The following INPP5B variants were observed in gnomAD, a reference collection of about 807,000 sequenced individuals.
INPP5B encodes the protein type II inositol 1,4,5-trisphosphate 5-phosphatase.
A neutral mutation model predicts 118.5 loss-of-function variants in INPP5B; 90 were observed. The ratio of observed to expected loss-of-function variants is 0.76; its 90% CI spans 0.64 to 0.90. The LOEUF is 0.90. Ranked by LOEUF, INPP5B falls within the 40% of genes least tolerant of loss-of-function variation. INPP5B has a pLI of 0.00. For synonymous variants in INPP5B, 385 were observed against 418.9 expected, an observed-to-expected ratio of 0.92 and a Z score of 0.99; for missense variants, 984 against 1,125.6, an observed-to-expected ratio of 0.87 and a Z score of 1.80.
intron 7 of INPP5B, among the ~76,000 whole-genome samples, chr1:37,916,432 T>C (rs1489165185): frequency 6.6e-6 from 1 of 151,626 alleles, no homozygotes; most frequent in Non-Finnish European, 1.5e-5. Context: ...TTTCTTTTTT[T>C]TGAGGCAGAG....
At chr1:37,901,320 C>T (rs1644324807) in intron 7 of INPP5B, among the ~76,000 whole-genome samples, 1 of 152,164 alleles carries the variant, frequency 6.6e-6, no homozygotes, top group South Asian at 2.1e-4. Context: ...GAAGTCACTT[C>T]TGCTCTTTGG....
intron 6 of INPP5B, among the ~76,000 whole-genome samples, chr1:37,935,433 C>A (rs1241280673): frequency 1.3e-5 from 2 of 151,210 alleles, no homozygotes; most frequent in Non-Finnish European, 2.9e-5. Flanking sequence ...ACCTCGTGAT[C>A]CGCCCCGCCT....
intron 7 of INPP5B, among the ~76,000 whole-genome samples, chr1:37,928,346 GT>G (rs1042355767): frequency 6.6e-6 from 1 of 151,434 alleles, no homozygotes; most frequent in East Asian, 1.9e-4. Flanking sequence ...GCTAAGTTCT[GT>G]TTTTTTGGGG....
chr1:37,937,969 T>A, intron 6 of INPP5B, among the ~76,000 whole-genome samples: 1 of 120,768 alleles, frequency 8.3e-6, no homozygotes, highest in East Asian at 2.3e-4. Context: ...TGAAAGTTGG[T>A]CTCAAAAAAA....
In INPP5B at chr1:37,864,382, G is replaced by C. The variant is rs148529004; in HGVS notation, c.2556C>G (p.His852Gln). 2 of 1,613,180 alleles carry C rather than the reference G, an allele frequency of 1.2e-6. No homozygotes were observed. Among genetic ancestry groups the C allele is most frequent in the East Asian group, 2.2e-5 (1 of 44,876 alleles). ...GTTCTCGCAAAAACGCCATCAAGTA[G>C]TGGAAGACATTTTTGTGGAATATGG... ...TLPIFHKNVF[H>Q]YLMAFLRELL... The change falls in exon 23 of 24, where the codon CAC becomes CAG. Residue 852 changes from histidine (H) to glutamine (Q), a missense_variant. Physicochemically the swap from His to Gln is conservative, Grantham distance 24. This residue lies in a region of INPP5B where 634 missense variants were observed against 791.0 expected (regional missense o/e 0.80). Coordinates refer to ENST00000373024, the MANE Select transcript of INPP5B (RefSeq NM_005540.3).
At position 37,861,222 on chromosome 1, in the gene INPP5B, G is replaced by C. The variant is rs1641676863; in HGVS notation, c.*1093C>G. ...TTATCTGGGCAGGAACGGGGGTCGA[G>C]TTTGCATATGCATATACACATCCTC... On this transcript the variant is annotated 3_prime_UTR_variant, in exon 24 of 24. Coordinates refer to ENST00000373024, the MANE Select transcript of INPP5B (RefSeq NM_005540.3). 1 of 152,180 alleles carries C rather than the reference G, an allele frequency of 6.6e-6. No homozygotes were observed. Among genetic ancestry groups the C allele is most frequent in the Admixed American group, 6.5e-5 (1 of 15,278 alleles). The allele number at this position is 152,180 out of a possible 1,614,324, so 9.4% of individuals were successfully genotyped here. A position where few individuals can be genotyped will look rare whatever the true frequency, so the allele number is the denominator to read the frequency against.
rs1643745652 is a variant in INPP5B at position 37,889,925 on chromosome 1, G to A, written c.630-201C>T. ...TATTTTGTTGATTGTATAATATGTT[G>A]GTCTGGAGATTTTCCTAATAATAGA... On this transcript the variant is annotated intron_variant, in intron 8 of 23. Coordinates refer to ENST00000373024, the MANE Select transcript of INPP5B (RefSeq NM_005540.3). Among the ~76,000 whole-genome samples the A allele has an allele frequency of 1.3e-5, 2 of 152,000 alleles. 1 individual carries two copies. Among genetic ancestry groups the A allele is most frequent in the South Asian group, 4.1e-4 (2 of 4,822 alleles).
chr1:37,920,634 C>T (rs1287701229), intron 7 of INPP5B, among the ~76,000 whole-genome samples: 1 of 151,172 alleles, frequency 6.6e-6, no homozygotes, highest in African/African-American at 2.4e-5. Flanking sequence ...CACTGCACTC[C>T]AGCCTGGGCG....
intron 7 of INPP5B, among the ~76,000 whole-genome samples, chr1:37,898,469 G>A (rs1192780164): frequency 6.6e-6 from 1 of 152,196 alleles, no homozygotes; most frequent in Non-Finnish European, 1.5e-5. Flanking sequence ...GCCGAGGCGG[G>A]TGGATCACGA....
intron 7 of INPP5B, among the ~76,000 whole-genome samples, chr1:37,896,983 G>A (rs1486918617): frequency 3.5e-5 from 4 of 114,862 alleles, no homozygotes; most frequent in Non-Finnish European, 4.1e-5. Context: ...GAGGGAGGTG[G>A]GGGGGTCAGC....
chr1:37,882,167 A>G (rs539089897), intron 14 of INPP5B, among the ~76,000 whole-genome samples: 1 of 152,324 alleles, frequency 6.6e-6, no homozygotes, highest in African/African-American at 2.4e-5. Context: ...AAGGGAGGAT[A>G]TAGAACAACA....
intron 15 of INPP5B, 125 bp from the exon 16 acceptor site, chr1:37,878,448 G>A: frequency 2.0e-6 from 3 of 1,475,372 alleles, no homozygotes; most frequent in Admixed American, 2.2e-5. Flanking sequence ...TAAGTCATCT[G>A]AGGCAGCAAG....
At chr1:37,944,124 T>G (rs576919604) in intron 3 of INPP5B, among the ~76,000 whole-genome samples, 1 of 152,320 alleles carries the variant, frequency 6.6e-6, no homozygotes, top group Admixed American at 6.5e-5. Context: ...AGCCCCTGAT[T>G]GTTAGTAAAA....
intron 7 of INPP5B, chr1:37,931,318 C>G (rs1645448736): frequency 1.2e-6 from 1 of 826,142 alleles, no homozygotes; most frequent in Admixed American, 3.3e-5. Flanking sequence ...ACCCGCCCCA[C>G]GCGACAAACT....
rs765998666 is a variant in INPP5B, at chr1:37,931,558, T to C, written c.532+355A>G. ...AGCCTCCAGAGGGCCACCAGGACTT[T>C]GGTCTTCGCCCCGAGCGTCCACTGG... On this transcript the variant is annotated intron_variant, in intron 7 of 23. Coordinates refer to ENST00000373024, the MANE Select transcript of INPP5B (RefSeq NM_005540.3). The C allele has an allele frequency of 1.7e-4, 255 of 1,537,502 alleles. 1 individual carries two copies. Among genetic ancestry groups the C allele is most frequent in the Non-Finnish European group, 2.1e-4 (242 of 1,146,066 alleles).
Position 37,942,911 on chromosome 1 carries a change from AAGAG to A in INPP5B, c.280+725_280+728del, listed in dbSNP as rs376627170. ...GTGACAGAGTGAGATTCTGTCAAGAAAGAGAGAGAGAGAGAGAGAGGAAGGGAGG... is the reference window on the plus strand; with the variant it reads ...GTGACAGAGTGAGATTCTGTCAAGAAAGAGAGAGAGAGAGAGGAAGGGAGG... On this transcript the variant is annotated intron_variant, in intron 5 of 23. Coordinates refer to ENST00000373024, the MANE Select transcript of INPP5B (RefSeq NM_005540.3). Among the ~76,000 whole-genome samples the A allele has an allele frequency of 4.8e-3, 701 of 147,070 alleles. 4 individuals carry two copies. The highest frequency in any genetic ancestry group is 0.016 in the African/African-American group (648 of 40,178).
intron 7 of INPP5B, among the ~76,000 whole-genome samples, chr1:37,910,609 C>T (rs1644663304): frequency 6.6e-6 from 1 of 152,078 alleles, no homozygotes; most frequent in Admixed American, 6.6e-5. Context: ...CCATTAAAAC[C>T]TAATCACCCT....
intron 7 of INPP5B, among the ~76,000 whole-genome samples, chr1:37,924,069 T>G (rs1304602595): frequency 6.6e-6 from 1 of 150,790 alleles, no homozygotes; most frequent in Non-Finnish European, 1.5e-5. Context: ...TGAGCCACTG[T>G]GCCCAGCCAA....
In INPP5B at chr1:37,873,055, C is replaced by T; in HGVS notation, c.2062G>A (p.Gly688Arg). The change falls in exon 19 of 24, where the codon GGA (glycine) becomes AGA (arginine). Residue 688 changes from glycine to arginine, a missense_variant. Gly to Arg is a moderately radical substitution (Grantham distance 125, BLOSUM62 -2). Coordinates refer to ENST00000373024, the MANE Select transcript of INPP5B (RefSeq NM_005540.3). ...EDILVLHLDRGKDYFLSVSGN... is the reference protein window; with the variant it reads ...EDILVLHLDRRKDYFLSVSGN... ...GACACAGACAAAAAGTAATCCTTTC[C>T]CCTGTCCAAGTGCAGAACCAGAATG... 1 of 1,614,136 alleles carries T rather than the reference C, an allele frequency of 6.2e-7. No individual in the cohort carries two copies. Among genetic ancestry groups the T allele is most frequent in the Non-Finnish European group, 8.5e-7 (1 of 1,180,018 alleles).
Sources: allele counts gnomAD v4.1 joint callset (sites outside exome capture counted in the v4.1 genomes callset), GRCh38; gene constraint gnomAD v4.1.1; regional missense constraint gnomAD v4.1.1; transcripts MANE v1.5; gene names NCBI Gene and HGNC (gene_info 2026-07-23, HGNC 2026-07-21).